The following PHKB variants were observed in gnomAD, a reference collection of about 807,000 sequenced individuals.
PHKB encodes the protein phosphorylase kinase regulatory subunit beta, also known as phosphorylase b kinase regulatory subunit beta.
In PHKB, 122 loss-of-function variants were observed where a neutral mutation model predicts 152.1. That is an observed-to-expected ratio of 0.80 (90% CI 0.69 to 0.93). The LOEUF is 0.93. PHKB is among the 40% of genes least tolerant of loss of function. PHKB has a pLI of 0.00. For missense variants in PHKB, 1,304 were observed against 1,328.4 expected (o/e 0.98, Z 0.29); for synonymous variants, 436 against 464.9 (o/e 0.94, Z 0.80).
intron 29 of PHKB, among the ~76,000 whole-genome samples, chr16:47,697,315 CT>C (rs1974165291): frequency 6.6e-6 from 1 of 152,182 alleles, no homozygotes; most frequent in African/African-American, 2.4e-5. Flanking sequence ...TTAGCCTCCT[CT>C]TTGATGTCCC....
At chr16:47,678,947 AT>A (rs1244590260) in intron 26 of PHKB, among the ~76,000 whole-genome samples, 1 of 152,182 alleles carries the variant, frequency 6.6e-6, no homozygotes, top group African/African-American at 2.4e-5. Context: ...TGATTTTTGT[AT>A]AAGGTGTAAG....
intron 24 of PHKB, 177 bp from the exon 25 acceptor site, chr16:47,664,708 T>TGG (rs1973506780): frequency 4.8e-6 from 3 of 629,894 alleles, no homozygotes; most frequent in Non-Finnish European, 8.6e-6. Context: ...AAGTGTGGTC[T>TGG]GTAGTCTTAT....
At chr16:47,523,863 A>T (rs1405100224) in intron 6 of PHKB, among the ~76,000 whole-genome samples, 1 of 152,224 alleles carries the variant, frequency 6.6e-6, no homozygotes, top group Non-Finnish European at 1.5e-5. Flanking sequence ...GAGCTGTCAG[A>T]CATTCAAATA....
chr16:47,561,066 T>G (rs1971468158), intron 7 of PHKB, among the ~76,000 whole-genome samples: 1 of 152,228 alleles, frequency 6.6e-6, no homozygotes, highest in African/African-American at 2.4e-5. Context: ...ATGTTCATTC[T>G]TTTGCCAAGA....
chr16:47,506,475 A>G (rs917157102), intron 4 of PHKB, among the ~76,000 whole-genome samples: 4 of 152,180 alleles, frequency 2.6e-5, no homozygotes, highest in Non-Finnish European at 4.4e-5. Context: ...CTGGAATTAA[A>G]CTAGTATGTC....
rs9937013 is a variant in PHKB, at chr16:47,661,303, C to T, written c.2197-416C>T. 4.2e-3 allele frequency among the ~76,000 whole-genome samples: 634 copies of T among 152,282 alleles called. 6 individuals carry two copies. The highest frequency in any genetic ancestry group is 0.015 in the African/African-American group (604 of 41,558). On this transcript the variant is annotated intron_variant, in intron 22 of 30. Transcript: ENST00000323584. The stretch of plus-strand genomic sequence containing the variant: ...CCTCCTATCATCCATCTCTTCACAA[C>T]AGTTTGCTAGCAACATGGTCTCCCA...
intron 7 of PHKB, chr16:47,565,195 A>G: frequency 1.6e-6 from 1 of 614,326 alleles, no homozygotes; most frequent in Non-Finnish European, 3.1e-6. Flanking sequence ...TATATGGCTC[A>G]GGTGCAGATC....
intron 6 of PHKB, among the ~76,000 whole-genome samples, chr16:47,546,983 T>C (rs1971181296): frequency 6.6e-6 from 1 of 152,162 alleles, no homozygotes; most frequent in Non-Finnish European, 1.5e-5. Context: ...TAGGTGACAG[T>C]GTCCCAATTT....
chr16:47,620,022 A>G (rs1456455292), intron 14 of PHKB, among the ~76,000 whole-genome samples: 1 of 152,180 alleles, frequency 6.6e-6, no homozygotes, highest in Non-Finnish European at 1.5e-5. Flanking sequence ...TACACCTAAT[A>G]CCTTTTTAAA....
intron 6 of PHKB, among the ~76,000 whole-genome samples, chr16:47,524,580 C>A (rs2151657505): frequency 1.3e-5 from 2 of 152,236 alleles, no homozygotes; most frequent in South Asian, 4.1e-4. Context: ...ACCAGCCTGG[C>A]CAACATAGTG....
At chr16:47,691,785 G>C (rs754612376) in intron 27 of PHKB, among the ~76,000 whole-genome samples, 1 of 151,824 alleles carries the variant, frequency 6.6e-6, no homozygotes, top group African/African-American at 2.4e-5. Flanking sequence ...TTTTCTGTAA[G>C]TCTGAAATTT....
intron 14 of PHKB, among the ~76,000 whole-genome samples, chr16:47,629,464 C>T (rs1204747552): frequency 1.3e-5 from 2 of 151,606 alleles, no homozygotes; most frequent in African/African-American, 4.9e-5. Flanking sequence ...CAAATCAAAA[C>T]CACAATGAGA....
chr16:47,497,313 C>T (rs1970248501), intron 1 of PHKB, 86 bp from the exon 2 acceptor site: 2 of 796,354 alleles, frequency 2.5e-6, no homozygotes, highest in Non-Finnish European at 4.2e-6. Context: ...TTAGATTAAG[C>T]ACTGCTTCTT....
At chr16:47,671,361 T>G (rs866844764) in intron 26 of PHKB, among the ~76,000 whole-genome samples, 23 of 152,306 alleles carry the variant, frequency 1.5e-4, no homozygotes, top group South Asian at 2.1e-4. Context: ...TTTACCATCT[T>G]AACCATTTTT....
At chr16:47,467,679 G>C (rs544265131) in intron 1 of PHKB, among the ~76,000 whole-genome samples, 1 of 152,254 alleles carries the variant, frequency 6.6e-6, no homozygotes, top group South Asian at 2.1e-4. Flanking sequence ...GAAGCTTATT[G>C]ACCCTCAGGC....
intron 13 of PHKB, among the ~76,000 whole-genome samples, chr16:47,610,160 T>TA (rs1184963815): frequency 5.7e-5 from 1 of 17,524 alleles, no homozygotes; most frequent in Non-Finnish European, 9.9e-5. Context: ...GCCCAGCTAA[T>TA]TTTTTTTTTT....
At chr16:47,506,606 C>T (rs1307049627) in intron 4 of PHKB, among the ~76,000 whole-genome samples, 3 of 152,170 alleles carry the variant, frequency 2.0e-5, no homozygotes, top group Non-Finnish European at 4.4e-5. Flanking sequence ...CAACTTTTCT[C>T]TCTAGGACAC....
At chr16:47,495,702 G>A (rs564567560) in intron 1 of PHKB, among the ~76,000 whole-genome samples, 1 of 152,176 alleles carries the variant, frequency 6.6e-6, no homozygotes, top group South Asian at 2.1e-4. Flanking sequence ...TGATTGCCAG[G>A]CTACCCATAT....
chr16:47,485,740 C>T (rs1362534100), intron 1 of PHKB, among the ~76,000 whole-genome samples: 1 of 152,148 alleles, frequency 6.6e-6, no homozygotes, highest in African/African-American at 2.4e-5. Flanking sequence ...CCACCTCAGC[C>T]TCCTAAGTAG....
Sources: gnomAD v4.1 joint callset for allele counts (sites outside exome capture counted in the v4.1 genomes callset) on GRCh38, gnomAD v4.1.1 for gene constraint, MANE v1.5 for transcripts, NCBI Gene and HGNC (gene_info 2026-07-23, HGNC 2026-07-21) for gene names.